Variants in TMC1 observed in about 807,000 individuals in gnomAD.
TMC1 encodes the protein transmembrane channel like 1.
A neutral mutation model predicts 105.8 loss-of-function variants in TMC1; 84 were observed. The ratio of observed to expected loss-of-function variants is 0.79; its 90% confidence interval spans 0.67 to 0.95. The LOEUF (loss-of-function observed/expected upper bound fraction) is 0.95, where lower values mean the gene tolerates loss of function less well. Ranked by LOEUF, TMC1 falls within the 40% of genes least tolerant of loss-of-function variation. The probability of loss-of-function intolerance (pLI) is 0.00; values close to 1 mark genes in which losing one functional copy is unlikely to be tolerated. For synonymous variants in TMC1, 315 were observed against 311.5 expected, an observed-to-expected ratio of 1.01 and a Z score of -0.12; for missense variants, 817 against 914.1, an observed-to-expected ratio of 0.89 and a Z score of 1.37.
rs190013962 is a variant in TMC1, at chr9:72,831,105, C to T, written c.2260+423C>T. On this transcript the variant is annotated intron_variant, in intron 23 of 23. Transcript: ENST00000297784. ...CCTCTGGGCTTTCCACCACTGATTGCCAGAAGCCCTTTCTAATCCATTAAA... is the reference window on the plus strand; with the variant it reads ...CCTCTGGGCTTTCCACCACTGATTGTCAGAAGCCCTTTCTAATCCATTAAA... Among the ~76,000 whole-genome samples the T allele has an allele frequency of 1.7e-3, 253 of 152,242 alleles. 1 individual carries two copies. The highest frequency in any genetic ancestry group is 5.7e-3 in the African/African-American group (236 of 41,542).
At chr9:72,528,428 G>A (rs1006325942) in intron 1 of TMC1, among the ~76,000 whole-genome samples, 5 of 150,032 alleles carry the variant, frequency 3.3e-5, no homozygotes, top group African/African-American at 7.4e-5. Flanking sequence ...TCCGCCTCCC[G>A]GGTTCAAGCG....
At chr9:72,538,500 G>C (rs1310608719) in intron 1 of TMC1, among the ~76,000 whole-genome samples, 1 of 151,794 alleles carries the variant, frequency 6.6e-6, no homozygotes, top group East Asian at 1.9e-4. Flanking sequence ...GCAGTGGCAC[G>C]ATCTCGGCTC....
intron 1 of TMC1, among the ~76,000 whole-genome samples, chr9:72,567,310 T>TAGGAA (rs1824178206): frequency 6.6e-6 from 1 of 152,240 alleles, no homozygotes; most frequent in African/African-American, 2.4e-5. Context: ...ATGTCTTCTT[T>TAGGAA]GTTCATCACT....
intron 2 of TMC1, among the ~76,000 whole-genome samples, chr9:72,603,910 A>C (rs1198095719): frequency 8.6e-6 from 1 of 116,222 alleles, no homozygotes; most frequent in East Asian, 2.9e-4. Flanking sequence ...CTTGTTGCCC[A>C]GGCTGGAGTG....
intron 13 of TMC1, among the ~76,000 whole-genome samples, chr9:72,783,929 T>C (rs1371473714): frequency 1.3e-5 from 2 of 152,172 alleles, no homozygotes; most frequent in East Asian, 3.9e-4. Flanking sequence ...TCGAAAACTA[T>C]AAATTTTTAG....
chr9:72,751,988 C>G, intron 11 of TMC1, 32 bp downstream of exon 11: 1 of 1,347,334 alleles, frequency 7.4e-7, no homozygotes, highest in Non-Finnish European at 1.1e-6. Flanking sequence ...ACAAAACATG[C>G]TGAAAAATGT....
Position 72,836,610 on chromosome 9 carries a change from TGGATA to T in TMC1, c.*639_*643del, listed in dbSNP as rs1361550513. 2.0e-5 allele frequency: 3 copies of T among 152,728 alleles called. No homozygotes were observed. Among genetic ancestry groups the T allele is most frequent in the African/African-American group, 7.3e-5 (3 of 41,290 alleles). 9.5% of individuals were successfully genotyped at this position (152,728 alleles called of 1,614,324 possible). On this transcript the variant is annotated 3_prime_UTR_variant, in exon 24 of 24. Transcript: ENST00000297784. The stretch of plus-strand genomic sequence containing the variant: ...AAAAAATCCTATATGAATTGGGGCC[TGGATA>T]GCACTGAGTTGAAGATCTTGAAGAT...
At chr9:72,768,043 A>G (rs997022866) in intron 12 of TMC1, among the ~76,000 whole-genome samples, 17 of 152,190 alleles carry the variant, frequency 1.1e-4, no homozygotes, top group Admixed American at 1.1e-3. Flanking sequence ...GTGTTCTTCT[A>G]TTCACAATAG....
intron 2 of TMC1, among the ~76,000 whole-genome samples, chr9:72,602,184 C>T (rs1267264629): frequency 2.0e-5 from 3 of 151,856 alleles, no homozygotes; most frequent in East Asian, 1.9e-4. Flanking sequence ...TGTTGTAGCT[C>T]GTTTAATCCT....
chr9:72,741,110 C>CTT (rs11361430), intron 9 of TMC1: 187 of 151,286 alleles, frequency 1.2e-3, no homozygotes, highest in African/African-American at 3.6e-3. Flanking sequence ...TATGAGTAAT[C>CTT]TTTTTTTTTT....
intron 20 of TMC1, among the ~76,000 whole-genome samples, chr9:72,823,452 G>A (rs1263883532): frequency 6.6e-6 from 1 of 152,208 alleles, no homozygotes; most frequent in Non-Finnish European, 1.5e-5. Flanking sequence ...TAGGTTACTG[G>A]AGGTATCACA....
At chr9:72,629,556 G>A (rs973875425) in intron 4 of TMC1, among the ~76,000 whole-genome samples, 2 of 152,172 alleles carry the variant, frequency 1.3e-5, no homozygotes, top group African/African-American at 4.8e-5. Flanking sequence ...GTACTACTGG[G>A]GCCTGACAAA....
intron 2 of TMC1, among the ~76,000 whole-genome samples, chr9:72,607,274 A>G (rs189470938): frequency 2.0e-4 from 31 of 152,284 alleles, no homozygotes; most frequent in Middle Eastern, 3.4e-3. Flanking sequence ...AGAAGCACAG[A>G]TTGATTTCTT....
intron 3 of TMC1, among the ~76,000 whole-genome samples, chr9:72,626,521 G>T (rs1825350519): frequency 6.6e-6 from 1 of 152,206 alleles, no homozygotes; most frequent in African/African-American, 2.4e-5. Context: ...AGAGCAGGAA[G>T]AAATAAAGAA....
chr9:72,790,096 G>A (rs559439574), intron 15 of TMC1, among the ~76,000 whole-genome samples: 8 of 152,180 alleles, frequency 5.3e-5, no homozygotes, highest in East Asian at 1.9e-4. Context: ...GTCTGTTCCC[G>A]TTCATAAAAT....
chr9:72,548,924 G>A (rs1021222108), intron 1 of TMC1, among the ~76,000 whole-genome samples: 1 of 152,148 alleles, frequency 6.6e-6, no homozygotes, highest in East Asian at 1.9e-4. Context: ...ACATGCCCAC[G>A]AGAGCAAGCT....
intron 17 of TMC1, among the ~76,000 whole-genome samples, chr9:72,801,463 A>C (rs548086620): frequency 6.6e-6 from 1 of 152,358 alleles, no homozygotes; most frequent in South Asian, 2.1e-4. Context: ...CAGCCTACAT[A>C]GTCTGCTTAC....
At chr9:72,537,533 A>G (rs1434568165) in intron 1 of TMC1, among the ~76,000 whole-genome samples, 4 of 152,224 alleles carry the variant, frequency 2.6e-5, no homozygotes, top group Admixed American at 6.5e-5. Flanking sequence ...AGTGTAAACC[A>G]AAAAGTATCT....
chr9:72,673,863 T>A (rs1588024956), intron 5 of TMC1, among the ~76,000 whole-genome samples: 1 of 152,176 alleles, frequency 6.6e-6, no homozygotes, highest in Non-Finnish European at 1.5e-5. Flanking sequence ...GTAATTCTAA[T>A]TCTGCGTAAA....
Sources: allele counts gnomAD v4.1 joint callset (sites outside exome capture counted in the v4.1 genomes callset), GRCh38; gene constraint gnomAD v4.1.1; transcripts MANE v1.5; gene names NCBI Gene and HGNC (gene_info 2026-07-23, HGNC 2026-07-21).